The following KAZN variants were observed in gnomAD, a reference collection of about 807,000 sequenced individuals.
KAZN encodes the protein kazrin, periplakin interacting protein.
In KAZN, 40 loss-of-function variants were observed where a neutral mutation model predicts 87.4. The observed-to-expected ratio is 0.46, with a 90% CI of 0.36 to 0.60. The LOEUF (loss-of-function observed/expected upper bound fraction) is 0.60, where lower values mean the gene tolerates loss of function less well. Among genes scored for constraint, KAZN ranks in the 20% least tolerant of loss-of-function variants. The probability of loss-of-function intolerance (pLI) is 0.00; values close to 1 mark genes in which losing one functional copy is unlikely to be tolerated. For synonymous variants in KAZN, 466 were observed against 458.3 expected (o/e 1.02, Z -0.22); for missense variants, 898 against 1,073.9 (o/e 0.84, Z 2.29).
rs1032353203 is a variant in KAZN at position 14,466,778 on chromosome 1, C to T, written c.250-132205C>T. On this transcript the variant is annotated intron_variant, in intron 2 of 16. Transcript: ENST00000636203. The stretch of plus-strand genomic sequence containing the variant: ...AGTCAGGAGATGGAGACCATCCTGG[C>T]TAACACGGTGAAACCCTGTCTCTAC... Among the ~76,000 whole-genome samples, 7 of 151,892 alleles carry T rather than the reference C, an allele frequency of 4.6e-5. No homozygotes were observed. The South Asian group carries it at 6.2e-4, about 13-fold the overall frequency.
rs111553917 is a variant in KAZN at position 14,061,328 on chromosome 1, AAG to A, written c.92-119105_92-119104del. 7.1e-3 allele frequency among the ~76,000 whole-genome samples: 1,087 copies of A among 152,246 alleles called. 10 individuals are homozygous for A. Among genetic ancestry groups the A allele is most frequent in the African/African-American group, 0.025 (1,038 of 41,524 alleles). On this transcript the variant is annotated intron_variant, in intron 1 of 16. Coordinates refer to the KAZN transcript ENST00000636203. ...CTGGAGAGTTAGTGACCTATAAACT[AAG>A]AACTGAAGAATGAATAGGAGATTCC...
At chr1:14,584,786 A>C (rs1190535283) in intron 2 of KAZN, among the ~76,000 whole-genome samples, 1 of 152,144 alleles carries the variant, frequency 6.6e-6, no homozygotes, top group Non-Finnish European at 1.5e-5. Context: ...CTGGGATTAC[A>C]GGCATGCACC....
At chr1:14,501,761 G>T (rs972254344) in intron 2 of KAZN, among the ~76,000 whole-genome samples, 9 of 152,110 alleles carry the variant, frequency 5.9e-5, no homozygotes, top group Non-Finnish European at 1.2e-4. Context: ...ACAAAATCCC[G>T]GCTGTAATCA....
At chr1:14,440,446 G>T (rs1666635064) in intron 2 of KAZN, among the ~76,000 whole-genome samples, 1 of 152,114 alleles carries the variant, frequency 6.6e-6, no homozygotes, top group South Asian at 2.1e-4. Flanking sequence ...ATATTGGATT[G>T]TCAATTCCCA....
chr1:14,711,563 T>A (rs1386760067), intron 1 of KAZN, among the ~76,000 whole-genome samples: 1 of 152,048 alleles, frequency 6.6e-6, no homozygotes, highest in East Asian at 1.9e-4. Flanking sequence ...ACTTCCAAGA[T>A]TAGGTTATGA....
chr1:15,110,159 ATG>A (rs368456433), intron 13 of KAZN, among the ~76,000 whole-genome samples: 63 of 141,760 alleles, frequency 4.4e-4, no homozygotes, highest in African/African-American at 1.4e-3. Context: ...GTGTGTGCAT[ATG>A]TGTTTGTGTG....
chr1:13,984,782 T>C (rs1032179432), intron 1 of KAZN, among the ~76,000 whole-genome samples: 18 of 152,268 alleles, frequency 1.2e-4, no homozygotes, highest in African/African-American at 4.3e-4. Context: ...TGGTAAGAGG[T>C]TCACTGAGAT....
intron 2 of KAZN, among the ~76,000 whole-genome samples, chr1:15,027,071 T>TAACTCAGCTGCCTTGGCCTAAGAG: frequency 3.7e-5 from 1 of 26,668 alleles, no homozygotes; most frequent in East Asian, 1.7e-3. Context: ...CCAGTGCTTC[T>TAACTCAGCTGCCTTGGCCTAAGAG]TTTTTTTTTT....
intron 1 of KAZN, among the ~76,000 whole-genome samples, chr1:14,148,977 C>T (rs573199983): frequency 6.6e-6 from 1 of 151,678 alleles, no homozygotes; most frequent in South Asian, 2.1e-4. Flanking sequence ...GTAGGGTGTT[C>T]TGTAGTTGAA....
At chr1:15,095,900 G>A (rs900261264) in intron 10 of KAZN, among the ~76,000 whole-genome samples, 1 of 152,142 alleles carries the variant, frequency 6.6e-6, no homozygotes, top group Non-Finnish European at 1.5e-5. Context: ...GTACTGAGGT[G>A]AGACTGGATC....
intron 2 of KAZN, among the ~76,000 whole-genome samples, chr1:14,491,578 C>G (rs542682080): frequency 6.6e-6 from 1 of 152,248 alleles, no homozygotes; most frequent in African/African-American, 2.4e-5. Context: ...CTGTATTCAC[C>G]ATTAAATATG....
At chr1:14,736,310 T>C (rs1643905107) in intron 1 of KAZN, among the ~76,000 whole-genome samples, 1 of 148,184 alleles carries the variant, frequency 6.7e-6, no homozygotes, top group South Asian at 2.2e-4. Context: ...TATATTTTTT[T>C]TTTTTGAGAC....
chr1:15,103,301 A>G, intron 11 of KAZN, 58 bp from the exon 12 acceptor site: 2 of 1,301,376 alleles, frequency 1.5e-6, no homozygotes, highest in South Asian at 1.3e-5. Context: ...CCCCCACTCC[A>G]CACGTGGCCT....
chr1:14,832,397 G>A (rs1647076058), intron 1 of KAZN, among the ~76,000 whole-genome samples: 1 of 152,090 alleles, frequency 6.6e-6, no homozygotes, highest in Non-Finnish European at 1.5e-5. Context: ...CTGCTCAGCA[G>A]CTTCGACAGA....
intron 1 of KAZN, among the ~76,000 whole-genome samples, chr1:14,162,840 G>A (rs1645739815): frequency 6.6e-6 from 1 of 152,240 alleles, no homozygotes; most frequent in Admixed American, 6.5e-5. Context: ...CACCACGCTT[G>A]GCCGGCTTTA....
chr1:14,188,521 A>G (rs1381424879), intron 2 of KAZN, among the ~76,000 whole-genome samples: 2 of 152,136 alleles, frequency 1.3e-5, no homozygotes, highest in Non-Finnish European at 2.9e-5. Context: ...ACACACACAA[A>G]AGAAGGCTAG....
intron 1 of KAZN, among the ~76,000 whole-genome samples, chr1:14,760,170 C>A (rs1435955690): frequency 6.6e-6 from 1 of 152,088 alleles, no homozygotes; most frequent in Non-Finnish European, 1.5e-5. Flanking sequence ...CGCCTGGCTT[C>A]CCTTCCTTCC....
At chr1:14,411,326 G>A (rs182590369) in intron 2 of KAZN, among the ~76,000 whole-genome samples, 7 of 152,214 alleles carry the variant, frequency 4.6e-5, no homozygotes, top group East Asian at 1.9e-4. Context: ...ACCGAGTCTC[G>A]CTCTGTCACC....
chr1:14,138,770 C>T (rs961227368), intron 1 of KAZN, among the ~76,000 whole-genome samples: 1 of 152,196 alleles, frequency 6.6e-6, no homozygotes, highest in Non-Finnish European at 1.5e-5. Flanking sequence ...GCTTTCTTTT[C>T]CAGGCATCTC....
Sources: allele counts gnomAD v4.1 joint callset (sites outside exome capture counted in the v4.1 genomes callset), GRCh38; gene constraint gnomAD v4.1.1; transcripts MANE v1.5; gene names NCBI Gene and HGNC (gene_info 2026-07-23, HGNC 2026-07-21).